Variants in DLGAP1 observed in about 807,000 individuals in gnomAD.
DLGAP1 encodes the protein disks large-associated protein 1.
Under a neutral mutation model 90.8 loss-of-function variants are expected in DLGAP1, and 11 were observed. That is an observed-to-expected ratio of 0.12 (90% CI 0.08 to 0.20). The LOEUF (loss-of-function observed/expected upper bound fraction) is 0.20, where lower values mean the gene tolerates loss of function less well. Among genes scored for constraint, DLGAP1 ranks in the 10% least tolerant of loss-of-function variants. The pLI, the probability that DLGAP1 is intolerant of heterozygous loss-of-function variation, is 1.00. For synonymous variants in DLGAP1, 558 were observed against 540.7 expected (o/e 1.03, Z -0.44); for missense variants, 1,050 against 1,333.8 (o/e 0.79, Z 3.31).
At chr18:4,445,339 C>T (rs1158329703) in intron 1 of DLGAP1, among the ~76,000 whole-genome samples, 2 of 151,212 alleles carry the variant, frequency 1.3e-5, no homozygotes, top group African/African-American at 4.9e-5. Context: ...GGTACATGTG[C>T]ACCTTATGCA....
At chr18:3,764,826 A>G (rs1263689455) in intron 5 of DLGAP1, among the ~76,000 whole-genome samples, 1 of 152,168 alleles carries the variant, frequency 6.6e-6, no homozygotes, top group African/African-American at 2.4e-5. Context: ...ATGGCTTTAT[A>G]TGACTTCTTA....
chr18:3,776,833 C>G (rs1341534863), intron 5 of DLGAP1, among the ~76,000 whole-genome samples: 1 of 152,202 alleles, frequency 6.6e-6, no homozygotes, highest in African/African-American at 2.4e-5. Flanking sequence ...CTCTGTCACC[C>G]AGGCTGGAGT....
intron 1 of DLGAP1, among the ~76,000 whole-genome samples, chr18:4,177,719 T>C: frequency 6.6e-6 from 1 of 152,174 alleles, no homozygotes. Flanking sequence ...CATGCAGTAT[T>C]TGTTTTTTTG....
chr18:3,924,389 C>T (rs560085035), intron 3 of DLGAP1, among the ~76,000 whole-genome samples: 1 of 152,332 alleles, frequency 6.6e-6, no homozygotes, highest in African/African-American at 2.4e-5. Flanking sequence ...ACTTCCTCCC[C>T]CACTGCCACC....
chr18:4,042,441 A>G (rs187905075), intron 2 of DLGAP1, among the ~76,000 whole-genome samples: 58 of 152,356 alleles, frequency 3.8e-4, no homozygotes, highest in Non-Finnish European at 6.8e-4. Flanking sequence ...TTTTTCACCA[A>G]GATGAAGATA....
chr18:4,262,801 A>G (rs912282799), intron 1 of DLGAP1, among the ~76,000 whole-genome samples: 2 of 152,166 alleles, frequency 1.3e-5, no homozygotes, highest in African/African-American at 4.8e-5. Context: ...ATATCTGTAA[A>G]ATGGATGTAA....
chr18:3,714,356 A>G (rs1450696003), intron 7 of DLGAP1, among the ~76,000 whole-genome samples: 2 of 151,890 alleles, frequency 1.3e-5, no homozygotes, highest in African/African-American at 4.8e-5. Flanking sequence ...AAACACAGCC[A>G]TAGGTTGTGC....
chr18:4,069,586 C>T (rs2075418093), intron 2 of DLGAP1, among the ~76,000 whole-genome samples: 1 of 152,146 alleles, frequency 6.6e-6, no homozygotes, highest in Non-Finnish European at 1.5e-5. Context: ...GGCACCTCCC[C>T]CATGCTCTCG....
At chr18:4,206,762 C>G (rs1004532066) in intron 1 of DLGAP1, among the ~76,000 whole-genome samples, 1 of 152,176 alleles carries the variant, frequency 6.6e-6, no homozygotes, top group Non-Finnish European at 1.5e-5. Flanking sequence ...ATTCTGTTAC[C>G]TTCATTCATC....
At chr18:3,981,644 G>C (rs1471551405) in intron 3 of DLGAP1, among the ~76,000 whole-genome samples, 1 of 152,218 alleles carries the variant, frequency 6.6e-6, no homozygotes, top group Non-Finnish European at 1.5e-5. Context: ...GACTAGGTGA[G>C]AAAAACTCTC....
intron 3 of DLGAP1, among the ~76,000 whole-genome samples, chr18:3,893,135 G>A (rs2071520812): frequency 6.6e-6 from 1 of 151,886 alleles, no homozygotes; most frequent in South Asian, 2.1e-4. Context: ...TCTCCTAAGG[G>A]AGAACATGTG....
At chr18:4,171,497 G>A (rs902952741) in intron 1 of DLGAP1, among the ~76,000 whole-genome samples, 34 of 151,064 alleles carry the variant, frequency 2.3e-4, no homozygotes, top group Non-Finnish European at 3.8e-4. Context: ...CTCGGAAGGC[G>A]AAGCTTGCAG....
intron 3 of DLGAP1, among the ~76,000 whole-genome samples, chr18:3,914,727 C>T (rs1220705906): frequency 6.6e-6 from 1 of 152,016 alleles, no homozygotes; most frequent in Non-Finnish European, 1.5e-5. Flanking sequence ...CCAGTATTTG[C>T]TATCTTTCAT....
At chr18:4,366,572 A>C (rs984672245) in intron 1 of DLGAP1, among the ~76,000 whole-genome samples, 1 of 152,018 alleles carries the variant, frequency 6.6e-6, no homozygotes, top group African/African-American at 2.4e-5. Context: ...GTCATTGGGG[A>C]ATATTCAGAA....
At chr18:4,200,646 T>C in intron 1 of DLGAP1, among the ~76,000 whole-genome samples, 1 of 151,898 alleles carries the variant, frequency 6.6e-6, no homozygotes, top group East Asian at 1.9e-4. Context: ...TTTACTACAA[T>C]GGCCAGAACT....
chr18:4,102,906 T>C (rs919125525), intron 2 of DLGAP1, among the ~76,000 whole-genome samples: 1 of 152,208 alleles, frequency 6.6e-6, no homozygotes, highest in Admixed American at 6.5e-5. Context: ...CTCAGTCCCA[T>C]GTTTCCTAGT....
At chr18:4,279,667 C>T (rs2079504411) in intron 1 of DLGAP1, among the ~76,000 whole-genome samples, 1 of 152,130 alleles carries the variant, frequency 6.6e-6, no homozygotes. Context: ...AGTAAGATAA[C>T]TCTAAATAAT....
At chr18:3,821,745 A>G (rs796167813) in intron 4 of DLGAP1, 2 of 226,800 alleles carry the variant, frequency 8.8e-6, no homozygotes, top group African/African-American at 4.7e-5. Flanking sequence ...GTGGCTTGGG[A>G]GCCTTGAAGC....
At chr18:4,143,792 G>A (rs185157775) in intron 2 of DLGAP1, among the ~76,000 whole-genome samples, 6 of 152,194 alleles carry the variant, frequency 3.9e-5, no homozygotes, top group Admixed American at 3.9e-4. Flanking sequence ...TGGCTGTGAC[G>A]GTTGAATATT....
Sources: gnomAD v4.1 joint callset for allele counts (sites outside exome capture counted in the v4.1 genomes callset) on GRCh38, gnomAD v4.1.1 for gene constraint, MANE v1.5 for transcripts, NCBI Gene and HGNC (gene_info 2026-07-23, HGNC 2026-07-21) for gene names.